SH3GLB1: variants seen among roughly 807,000 people sequenced by gnomAD.
The protein encoded by SH3GLB1 is endophilin-B1.
SH3GLB1 carries 17 observed loss-of-function variants against 42.0 expected under a neutral mutation model. That is an observed-to-expected ratio of 0.40 (90% confidence interval 0.28 to 0.61). The LOEUF (loss-of-function observed/expected upper bound fraction) is 0.61. Among genes scored for constraint, SH3GLB1 ranks in the 20% least tolerant of loss-of-function variants. The pLI, the probability that SH3GLB1 is intolerant of heterozygous loss-of-function variation, is 0.36. For missense variants in SH3GLB1, 355 were observed against 426.3 expected (o/e 0.83, Z 1.47); for synonymous variants, 132 against 146.6 (o/e 0.90, Z 0.72).
chr1:86,715,024 T>C (rs1654428124), intron 1 of SH3GLB1, among the ~76,000 whole-genome samples: 1 of 152,194 alleles, frequency 6.6e-6, no homozygotes, highest in Admixed American at 6.5e-5. Context: ...ATGAATAGGA[T>C]ATGTTCCAAA....
In SH3GLB1 at chr1:86,743,354, A is replaced by G. The variant is rs372453155; in HGVS notation, c.*119A>G. ...TGTTAAGAGACTGAAAATACCAGCCATCAGAAACTGGCCTTTCTGCCAATA... is the reference window on the plus strand; with the variant it reads ...TGTTAAGAGACTGAAAATACCAGCCGTCAGAAACTGGCCTTTCTGCCAATA... On this transcript the variant is annotated 3_prime_UTR_variant, in exon 9 of 9. Coordinates refer to ENST00000370558, the MANE Select transcript of SH3GLB1 (RefSeq NM_016009.5). 29 of 532,000 alleles carry G rather than the reference A, an allele frequency of 5.5e-5. No homozygotes were observed. Among genetic ancestry groups the G allele is most frequent in the African/African-American group, 4.1e-4 (21 of 51,542 alleles). The allele number at this position is 532,000 out of a possible 1,614,324, so 33.0% of individuals were successfully genotyped here. A position where few individuals can be genotyped will look rare whatever the true frequency, so the allele number is the denominator to read the frequency against.
intron 2 of SH3GLB1, among the ~76,000 whole-genome samples, chr1:86,716,877 A>G (rs2101929670): frequency 6.6e-6 from 1 of 152,358 alleles, no homozygotes; most frequent in South Asian, 2.1e-4. Flanking sequence ...GTTTGGGACC[A>G]AGTTGTGATA....
chr1:86,742,948 G>A (rs999274184), intron 8 of SH3GLB1, among the ~76,000 whole-genome samples, 180 bp from the exon 9 acceptor site: 2 of 152,162 alleles, frequency 1.3e-5, no homozygotes, highest in Non-Finnish European at 2.9e-5. Flanking sequence ...GCAACAGAGT[G>A]AGACCCTGCC....
intron 1 of SH3GLB1, among the ~76,000 whole-genome samples, chr1:86,707,224 A>C (rs184007634): frequency 2.0e-4 from 30 of 152,384 alleles, no homozygotes; most frequent in African/African-American, 7.0e-4. Context: ...TAGGATGGTC[A>C]GGGCAAGTCT....
At chr1:86,705,089 A>G in intron 1 of SH3GLB1, 118 bp downstream of exon 1, 1 of 655,220 alleles carries the variant, frequency 1.5e-6, no homozygotes, top group Non-Finnish European at 2.5e-6. Context: ...TGCTGCAGCC[A>G]GAGGCCTGGG....
chr1:86,709,337 A>G (rs1480674508), intron 1 of SH3GLB1, among the ~76,000 whole-genome samples: 1 of 152,236 alleles, frequency 6.6e-6, no homozygotes, highest in East Asian at 1.9e-4. Flanking sequence ...AAGGGCAACA[A>G]TAAGCATGTT....
At chr1:86,729,977 A>T in intron 5 of SH3GLB1, 1 of 1,053,136 alleles carries the variant, frequency 9.5e-7, no homozygotes, top group Non-Finnish European at 1.4e-6. Context: ...TATGATTCTG[A>T]AAAAGAGTAT....
At chr1:86,707,685 G>A (rs567095697) in intron 1 of SH3GLB1, among the ~76,000 whole-genome samples, 59 of 102,268 alleles carry the variant, frequency 5.8e-4, no homozygotes, top group African/African-American at 2.4e-3. Flanking sequence ...TTTGGCTCTT[G>A]TTGCCCAGGC....
intron 2 of SH3GLB1, among the ~76,000 whole-genome samples, chr1:86,717,651 AC>A (rs1654612559): frequency 6.6e-6 from 1 of 151,934 alleles, no homozygotes; most frequent in Admixed American, 6.6e-5. Flanking sequence ...CGAACTCCCG[AC>A]CTCAGGTAAT....
In SH3GLB1 at chr1:86,709,864, G is replaced by A. The variant is rs367560692; in HGVS notation, c.72+4893G>A. ...CATTTATTTCAGCAAGTGTCATGGT[G>A]TGTCTAAGGATGTAAAGATGAATAT... On this transcript the variant is annotated intron_variant, in intron 1 of 8. Transcript: ENST00000370558. Among the ~76,000 whole-genome samples the A allele has an allele frequency of 1.2e-4, 18 of 152,168 alleles. No individual in the cohort carries two copies. In the East Asian group the frequency reaches 1.3e-3, roughly 11 times the overall value.
intron 1 of SH3GLB1, among the ~76,000 whole-genome samples, chr1:86,706,514 T>G (rs1277162529): frequency 6.6e-6 from 1 of 152,202 alleles, no homozygotes; most frequent in Non-Finnish European, 1.5e-5. Flanking sequence ...TAAAATAATG[T>G]TTTGATTTAA....
At position 86,726,432 on chromosome 1, in the gene SH3GLB1, GAGATATCT is replaced by G. The variant is rs996812559; in HGVS notation, c.570+2031_570+2038del. 9.9e-5 allele frequency among the ~76,000 whole-genome samples: 15 copies of G among 151,896 alleles called. 1 individual carries two copies. Among genetic ancestry groups the G allele is most frequent in the Admixed American group, 9.2e-4 (14 of 15,258 alleles). On this transcript the variant is annotated intron_variant, in intron 5 of 8. Coordinates refer to ENST00000370558, the MANE Select transcript of SH3GLB1 (RefSeq NM_016009.5). ...CAATTTTGAGAGATGTTTCCTTTTT[GAGATATCT>G]AGAAAAGATCTTGGCAATTTTTCTC...
At chr1:86,707,762 C>CCT (rs1316405952) in intron 1 of SH3GLB1, among the ~76,000 whole-genome samples, 1 of 151,274 alleles carries the variant, frequency 6.6e-6, no homozygotes, top group East Asian at 2.0e-4. Flanking sequence ...CAATCTCCTG[C>CCT]CTCCGTCTTT....
chr1:86,707,644 ATTTTTTT>A (rs948807467), intron 1 of SH3GLB1, among the ~76,000 whole-genome samples: 1 of 116,522 alleles, frequency 8.6e-6, no homozygotes, highest in Non-Finnish European at 1.8e-5. Context: ...TTTACAGGGT[ATTTTTTT>A]TTTTTTTTTT....
At chr1:86,718,695 A>G (rs946722830) in intron 2 of SH3GLB1, among the ~76,000 whole-genome samples, 3 of 152,126 alleles carry the variant, frequency 2.0e-5, no homozygotes, top group African/African-American at 7.2e-5. Context: ...AACTTAAGCC[A>G]TTTTTTCACT....
intron 7 of SH3GLB1, among the ~76,000 whole-genome samples, chr1:86,739,441 G>A (rs976734890): frequency 2.6e-5 from 4 of 152,218 alleles, no homozygotes; most frequent in Admixed American, 1.3e-4. Flanking sequence ...AGAGGACTAC[G>A]AATTGACCAT....
rs112870098 is a variant in SH3GLB1 at position 86,737,534 on chromosome 1, G to T, written c.761+2355G>T. Among the ~76,000 whole-genome samples, 8 of 152,206 alleles carry T rather than the reference G, an allele frequency of 5.3e-5. 1 individual carries two copies. Among genetic ancestry groups the T allele is most frequent in the African/African-American group, 1.7e-4 (7 of 41,538 alleles). On this transcript the variant is annotated intron_variant, in intron 7 of 8. Coordinates refer to ENST00000370558, the MANE Select transcript of SH3GLB1 (RefSeq NM_016009.5). Reference sequence around the variant, plus strand: ...CTGAGGAAAGGATACTAGGACAGGTGGTCTTAATTTTAGAGAGGAAAAGCT... The same window carrying T: ...CTGAGGAAAGGATACTAGGACAGGTTGTCTTAATTTTAGAGAGGAAAAGCT...
At chr1:86,724,990 G>A (rs1655116976) in intron 5 of SH3GLB1, among the ~76,000 whole-genome samples, 1 of 139,980 alleles carries the variant, frequency 7.1e-6, no homozygotes, top group Non-Finnish European at 1.5e-5. Flanking sequence ...ATATATATAT[G>A]TGTGTATATA....
intron 6 of SH3GLB1, 88 bp downstream of exon 6, chr1:86,734,779 C>T (rs1399970550): frequency 2.3e-6 from 2 of 859,320 alleles, no homozygotes; most frequent in Non-Finnish European, 3.8e-6. Context: ...ACTTTTCAGT[C>T]ATTCATCAAG....
Sources: allele counts gnomAD v4.1 joint callset (sites outside exome capture counted in the v4.1 genomes callset), GRCh38; gene constraint gnomAD v4.1.1; transcripts MANE v1.5; gene names NCBI Gene and HGNC (gene_info 2026-07-23, HGNC 2026-07-21).